TTLL11: variants seen among roughly 807,000 people sequenced by gnomAD.
TTLL11 encodes the protein tubulin tyrosine ligase like 11.
In TTLL11, 42 loss-of-function variants were observed where a neutral mutation model predicts 51.7. The observed-to-expected ratio is 0.81, with a 90% CI of 0.64 to 1.05. The LOEUF is 1.05. Ranked by LOEUF, TTLL11 falls within the 50% of genes least tolerant of loss-of-function variation. The pLI is 0.00. For synonymous variants in TTLL11, 381 were observed against 383.5 expected, an observed-to-expected ratio of 0.99 and a Z score of 0.08; for missense variants, 799 against 940.4, an observed-to-expected ratio of 0.85 and a Z score of 1.97.
chr9:122,073,780 C>T (rs1017767981), intron 1 of TTLL11, among the ~76,000 whole-genome samples: 2 of 152,192 alleles, frequency 1.3e-5, no homozygotes, highest in Non-Finnish European at 2.9e-5. Flanking sequence ...CCTTACTTGC[C>T]CAGAAGCCTC....
At chr9:121,892,767 C>A (rs533192414) in intron 6 of TTLL11, among the ~76,000 whole-genome samples, 25 of 152,372 alleles carry the variant, frequency 1.6e-4, no homozygotes, top group African/African-American at 5.5e-4. Flanking sequence ...CTGGAAAATA[C>A]CTCTGCCTGC....
chr9:121,826,025 G>T (rs4837892), intron 8 of TTLL11, among the ~76,000 whole-genome samples: 53,523 of 149,966 alleles, frequency 0.36, 9,715 homozygotes, highest in East Asian at 0.48. Context: ...AGAGATGATG[G>T]AGGGGGAGAT....
At chr9:122,044,625 T>C (rs1844950350) in intron 1 of TTLL11, among the ~76,000 whole-genome samples, 1 of 152,216 alleles carries the variant, frequency 6.6e-6, no homozygotes, top group African/African-American at 2.4e-5. Flanking sequence ...ATGAGCAGAA[T>C]ATATTTTTAA....
intron 3 of TTLL11, among the ~76,000 whole-genome samples, chr9:121,996,476 C>T (rs1179872318): frequency 6.6e-6 from 1 of 152,156 alleles, no homozygotes; most frequent in African/African-American, 2.4e-5. Flanking sequence ...CACACACACA[C>T]ATGCACACAC....
intron 6 of TTLL11, among the ~76,000 whole-genome samples, chr9:121,964,549 G>A (rs1052139492): frequency 6.6e-6 from 1 of 152,058 alleles, no homozygotes; most frequent in Non-Finnish European, 1.5e-5. Flanking sequence ...CCACCGCCTA[G>A]GCATCCCAAA....
intron 8 of TTLL11, among the ~76,000 whole-genome samples, chr9:121,834,283 C>T (rs951568879): frequency 2.6e-5 from 4 of 152,082 alleles, no homozygotes; most frequent in Non-Finnish European, 5.9e-5. Context: ...GCTGGGGTCT[C>T]GAAGGACTCT....
At chr9:121,978,723 C>T (rs901900724) in intron 4 of TTLL11, among the ~76,000 whole-genome samples, 3 of 152,064 alleles carry the variant, frequency 2.0e-5, no homozygotes, top group African/African-American at 7.2e-5. Flanking sequence ...CTAGAAGCTT[C>T]AAATCAAGTT....
chr9:122,026,149 G>A (rs545433163), intron 3 of TTLL11, among the ~76,000 whole-genome samples: 3 of 152,114 alleles, frequency 2.0e-5, no homozygotes, highest in East Asian at 1.9e-4. Context: ...GGGAAGAAGC[G>A]AAGGAGGGGC....
At chr9:122,033,509 A>G (rs1435613927) in intron 2 of TTLL11, among the ~76,000 whole-genome samples, 1 of 152,234 alleles carries the variant, frequency 6.6e-6, no homozygotes, top group South Asian at 2.1e-4. Flanking sequence ...TACTGATACT[A>G]GAAATGTGCT....
chr9:122,026,319 T>TCTCAGCTA (rs1237664508), intron 3 of TTLL11, among the ~76,000 whole-genome samples: 1 of 151,820 alleles, frequency 6.6e-6, no homozygotes, highest in South Asian at 2.1e-4. Flanking sequence ...ATACCTGTAA[T>TCTCAGCTA]CTCAGCTACT....
At chr9:122,024,900 G>C (rs567418525) in intron 3 of TTLL11, among the ~76,000 whole-genome samples, 1,229 of 14,756 alleles carry the variant, frequency 0.083, 10 homozygotes, top group Admixed American at 0.18. Context: ...CAAAAAGCAT[G>C]ATCTATTAAA....
chr9:121,961,697 C>T (rs1314571755), intron 6 of TTLL11, among the ~76,000 whole-genome samples: 2 of 152,146 alleles, frequency 1.3e-5, no homozygotes, highest in Non-Finnish European at 2.9e-5. Flanking sequence ...CTGGTCCAGT[C>T]ATTGATGAAA....
intron 3 of TTLL11, among the ~76,000 whole-genome samples, chr9:122,012,664 ACACACACACACACG>A (rs1044270317): frequency 0.013 from 853 of 66,842 alleles, 6 homozygotes; most frequent in African/African-American, 0.06. Context: ...AAATACACAT[ACACACACACACACG>A]CACACACACA....
chr9:122,093,188 C>G lies in TTLL11; in HGVS notation c.-40G>C. 6.7e-7 allele frequency: 1 copy of G among 1,487,020 alleles called. No individual in the cohort carries two copies. Among genetic ancestry groups the G allele is most frequent in the Non-Finnish European group, 8.9e-7 (1 of 1,127,846 alleles). 92.1% of individuals were successfully genotyped at this position (1,487,020 alleles called of 1,614,324 possible). On this transcript the variant is annotated 5_prime_UTR_variant, in exon 1 of 9. Coordinates refer to ENST00000321582, the MANE Select transcript of TTLL11 (RefSeq NM_001139442.2). ...GGGCCAGTGCCAGTGCCACCGCCGC[C>G]GCCGCCGCCGCTCCGCCGCCCCAGT...
chr9:121,917,646 A>G (rs1840389913), intron 6 of TTLL11, among the ~76,000 whole-genome samples: 2 of 149,414 alleles, frequency 1.3e-5, no homozygotes, highest in Admixed American at 1.3e-4. Context: ...GAAGGGAGGG[A>G]AGGAAGGGAA....
chr9:121,883,096 G>T (rs990742117), intron 6 of TTLL11, among the ~76,000 whole-genome samples: 4 of 152,164 alleles, frequency 2.6e-5, no homozygotes, highest in African/African-American at 7.2e-5. Flanking sequence ...GGTGACCTTT[G>T]GGCGTCATTT....
intron 6 of TTLL11, among the ~76,000 whole-genome samples, chr9:121,914,845 T>C (rs2131509057): frequency 6.6e-6 from 1 of 152,226 alleles, no homozygotes; most frequent in African/African-American, 2.4e-5. Context: ...TGGAGCCAGA[T>C]CCCATAGAGA....
intron 1 of TTLL11, among the ~76,000 whole-genome samples, chr9:122,060,928 C>T (rs1176051235): frequency 1.3e-5 from 2 of 152,224 alleles, no homozygotes; most frequent in Non-Finnish European, 2.9e-5. Flanking sequence ...TAACAAATTA[C>T]CATGAACTTG....
At chr9:121,944,733 A>G (rs1841604373) in intron 6 of TTLL11, among the ~76,000 whole-genome samples, 2 of 152,202 alleles carry the variant, frequency 1.3e-5, no homozygotes, top group Admixed American at 6.5e-5. Flanking sequence ...ACAAGGACAT[A>G]GGCCAGCCCC....
Sources: allele counts gnomAD v4.1 joint callset (sites outside exome capture counted in the v4.1 genomes callset), GRCh38; gene constraint gnomAD v4.1.1; transcripts MANE v1.5; gene names NCBI Gene and HGNC (gene_info 2026-07-23, HGNC 2026-07-21).